XRCC5: variants seen among roughly 807,000 people sequenced by gnomAD.
XRCC5 encodes the protein DNA repair protein Ku80.
XRCC5 carries 12 observed loss-of-function variants against 95.7 expected under a neutral mutation model. That is an observed-to-expected ratio of 0.13 (90% CI 0.08 to 0.20). The LOEUF (loss-of-function observed/expected upper bound fraction) is 0.20. Among genes scored for constraint, XRCC5 ranks in the 10% least tolerant of loss-of-function variants. XRCC5 has a pLI of 1.00. For synonymous variants in XRCC5, 281 were observed against 290.3 expected (o/e 0.97, Z 0.33); for missense variants, 595 against 873.9 (o/e 0.68, Z 4.02).
intron 6 of XRCC5, among the ~76,000 whole-genome samples, chr2:216,123,955 G>T (rs1350350702): frequency 1.3e-5 from 2 of 152,236 alleles, no homozygotes; most frequent in East Asian, 3.8e-4. Context: ...TTTTAGGTCT[G>T]CCATGAAGGT....
chr2:216,192,650 G>A lies in XRCC5; in HGVS notation c.1956G>A (p.Glu652=), dbSNP rs777989585. 19 of 1,589,212 alleles carry A rather than the reference G, an allele frequency of 1.2e-5. No homozygotes were observed. The Middle Eastern group carries it at 6.7e-4, about 56-fold the overall frequency. The change falls in exon 18 of 21, where the codon GAG becomes GAA. Residue 652 remains glutamate (E), a synonymous_variant. Coordinates refer to ENST00000392132, the MANE Select transcript of XRCC5 (RefSeq NM_021141.4). The part of the protein sequence containing the change: ...FREEAIKFSE[E]QRFNNFLKAL... ...ACTTGCTACCACAGTTTTCAGAAGAGCAGCGCTTTAACAACTTCCTGAAAG... is the reference window on the plus strand; with the variant it reads ...ACTTGCTACCACAGTTTTCAGAAGAACAGCGCTTTAACAACTTCCTGAAAG...
intron 3 of XRCC5, chr2:216,117,415 AT>A (rs1696718083): frequency 3.4e-6 from 1 of 293,490 alleles, no homozygotes; most frequent in African/African-American, 2.1e-5. Flanking sequence ...ATGCTACATT[AT>A]GGTTCGCTTC....
intron 9 of XRCC5, among the ~76,000 whole-genome samples, chr2:216,131,581 G>T (rs1288997481): frequency 6.6e-6 from 1 of 152,088 alleles, no homozygotes; most frequent in Non-Finnish European, 1.5e-5. Context: ...ATTTAAGGGG[G>T]TGGGGGGAGA....
intron 14 of XRCC5, among the ~76,000 whole-genome samples, chr2:216,148,709 A>G (rs1466175356): frequency 6.6e-6 from 1 of 152,240 alleles, no homozygotes; most frequent in Non-Finnish European, 1.5e-5. Flanking sequence ...AGTGGGAACA[A>G]GAGTGAAAAA....
At chr2:216,137,995 T>A (rs1299697716) in intron 11 of XRCC5, 94 bp from the exon 12 acceptor site, 4 of 1,116,612 alleles carry the variant, frequency 3.6e-6, no homozygotes, top group East Asian at 2.5e-5. Context: ...TTTGAAATAT[T>A]TCTGTTATGC....
intron 19 of XRCC5, among the ~76,000 whole-genome samples, chr2:216,201,914 G>A (rs3835): frequency 0.21 from 31,231 of 152,168 alleles, 4,611 homozygotes; most frequent in African/African-American, 0.42. Flanking sequence ...TGGCAGCCCA[G>A]CTTTTAAACA....
At chr2:216,155,965 A>G (rs776230473) in intron 14 of XRCC5, among the ~76,000 whole-genome samples, 1 of 152,168 alleles carries the variant, frequency 6.6e-6, no homozygotes, top group Non-Finnish European at 1.5e-5. Context: ...TGAATTCCCT[A>G]TACCTGAGGT....
intron 18 of XRCC5, 149 bp downstream of exon 18, chr2:216,192,884 A>G (rs1438944391): frequency 3.7e-6 from 2 of 538,334 alleles, no homozygotes; most frequent in Non-Finnish European, 6.1e-6. Flanking sequence ...GGCTTTGGGA[A>G]ATGCTCAGTG....
chr2:216,153,229 GA>G (rs1321469141), intron 14 of XRCC5, among the ~76,000 whole-genome samples: 2 of 152,130 alleles, frequency 1.3e-5, no homozygotes, highest in Non-Finnish European at 2.9e-5. Flanking sequence ...TGACCTCTTT[GA>G]AGCACTTGAC....
rs1696709099 is a variant in XRCC5 at position 216,116,978 on chromosome 2, G to A, written c.319+136G>A. On this transcript the variant is annotated intron_variant, in intron 3 of 20. Coordinates refer to ENST00000392132, the MANE Select transcript of XRCC5 (RefSeq NM_021141.4). ...TTTGCTCTGAGGAGGGGGAGGTAAT[G>A]TGTTAATAGGGTTTAATGTGAAATT... is the stretch of plus-strand genomic sequence containing the variant. 4.4e-6 allele frequency: 4 copies of A among 903,764 alleles called. No homozygotes were observed. The South Asian group carries it at 4.9e-5, about 11-fold the overall frequency. 56.0% of individuals were successfully genotyped at this position (903,764 alleles called of 1,614,324 possible). A position where few individuals can be genotyped will look rare whatever the true frequency, so the allele number is the denominator to read the frequency against.
intron 1 of XRCC5, among the ~76,000 whole-genome samples, chr2:216,111,182 G>A (rs965077904): frequency 1.2e-4 from 19 of 152,042 alleles, no homozygotes; most frequent in African/African-American, 4.1e-4. Context: ...TGTTGATCCC[G>A]TTGTCTTTCT....
At chr2:216,115,801 ATTTG>A (rs921004276) in intron 2 of XRCC5, among the ~76,000 whole-genome samples, 1 of 136,160 alleles carries the variant, frequency 7.3e-6, no homozygotes, top group African/African-American at 2.5e-5. Context: ...AATGTTTCAT[ATTTG>A]TTTGATTTTT....
rs1313760672 is a variant in XRCC5, at chr2:216,172,159, T to G, written c.1834+10111T>G. Among the ~76,000 whole-genome samples the G allele has an allele frequency of 3.3e-5, 5 of 152,320 alleles. No homozygotes were observed. The East Asian group carries it at 7.7e-4, about 24-fold the overall frequency. On this transcript the variant is annotated intron_variant, in intron 16 of 20. Coordinates refer to ENST00000392132, the MANE Select transcript of XRCC5 (RefSeq NM_021141.4). ...TGGGCCTGACGAGTTGTAAATTAGCTGCAGCCTTCAAGTAATAACCCGGTG... is the reference window on the plus strand; with the variant it reads ...TGGGCCTGACGAGTTGTAAATTAGCGGCAGCCTTCAAGTAATAACCCGGTG...
intron 12 of XRCC5, among the ~76,000 whole-genome samples, chr2:216,139,807 C>G (rs1035863118): frequency 2.6e-5 from 4 of 152,076 alleles, no homozygotes; most frequent in Non-Finnish European, 5.9e-5. Context: ...CACGTCCAGC[C>G]CAGAATATTT....
intron 19 of XRCC5, among the ~76,000 whole-genome samples, 167 bp downstream of exon 19, chr2:216,195,153 T>C (rs1463792229): frequency 2.6e-5 from 4 of 152,150 alleles, no homozygotes; most frequent in Admixed American, 1.3e-4. Context: ...GAAATTATAA[T>C]CTTACTCAGT....
intron 16 of XRCC5, among the ~76,000 whole-genome samples, chr2:216,183,627 TTC>T (rs1216063836): frequency 1.3e-5 from 2 of 152,208 alleles, no homozygotes; most frequent in African/African-American, 2.4e-5. Context: ...GGCTGTGGTG[TTC>T]TCTCTGTCGT....
chr2:216,143,061 A>G (rs767042380), intron 13 of XRCC5, among the ~76,000 whole-genome samples: 2 of 152,242 alleles, frequency 1.3e-5, no homozygotes, highest in African/African-American at 2.4e-5. Context: ...ATTAGCCTAC[A>G]GTTGGGCAGA....
chr2:216,148,290 A>G lies in XRCC5; in HGVS notation c.1670+14A>G. ...TTTCCAAGACAAGTAAGTACTTGGT[A>G]TAGTTGCATTTAACATTGGGGTACA... is the stretch of plus-strand genomic sequence containing the variant. On this transcript the variant is annotated intron_variant, in intron 14 of 20. Transcript: ENST00000392132. 1.2e-6 allele frequency: 2 copies of G among 1,600,776 alleles called. No individual in the cohort carries two copies. Among genetic ancestry groups the G allele is most frequent in the Non-Finnish European group, 1.7e-6 (2 of 1,175,746 alleles).
intron 16 of XRCC5, among the ~76,000 whole-genome samples, chr2:216,167,910 A>G (rs1689085371): frequency 6.6e-6 from 1 of 152,172 alleles, no homozygotes; most frequent in African/African-American, 2.4e-5. Flanking sequence ...GAGAAAATTC[A>G]TGATTAAGGA....
Sources: allele counts gnomAD v4.1 joint callset (sites outside exome capture counted in the v4.1 genomes callset), GRCh38; gene constraint gnomAD v4.1.1; transcripts MANE v1.5; gene names NCBI Gene and HGNC (gene_info 2026-07-23, HGNC 2026-07-21).